The following TRAPPC9 variants were observed in gnomAD, a reference collection of about 807,000 sequenced individuals.
TRAPPC9 encodes trafficking protein particle complex subunit 9.
In TRAPPC9, 83 loss-of-function variants were observed where a neutral mutation model predicts 124.0. The observed-to-expected ratio is 0.67, with a 90% CI of 0.56 to 0.80. The LOEUF is 0.80. Among genes scored for constraint, TRAPPC9 ranks in the 30% least tolerant of loss-of-function variants. The pLI is 0.00. For missense variants in TRAPPC9, 1,302 were observed against 1,508.3 expected, an observed-to-expected ratio of 0.86 and a Z score of 2.27; for synonymous variants, 638 against 617.5, an observed-to-expected ratio of 1.03 and a Z score of -0.49.
At chr8:139,986,467 A>G (rs1837244192) in intron 19 of TRAPPC9, among the ~76,000 whole-genome samples, 1 of 152,184 alleles carries the variant, frequency 6.6e-6, no homozygotes, top group Non-Finnish European at 1.5e-5. Flanking sequence ...AATTTCTTCT[A>G]AAAAATTTCA....
intron 20 of TRAPPC9, among the ~76,000 whole-genome samples, chr8:139,892,525 A>G (rs995189094): frequency 5.3e-5 from 8 of 152,248 alleles, no homozygotes; most frequent in African/African-American, 1.7e-4. Flanking sequence ...AATAGGCCAG[A>G]GGGCTGGCCC....
intron 21 of TRAPPC9, among the ~76,000 whole-genome samples, chr8:139,806,447 C>T (rs1351442445): frequency 2.6e-5 from 4 of 152,164 alleles, no homozygotes; most frequent in African/African-American, 7.2e-5. Flanking sequence ...TGTTTCCACT[C>T]GGGGCTCAGC....
rs2063854728 is a variant in TRAPPC9 at position 140,241,491 on chromosome 8, T to A, written c.2431+11286A>T. Among the ~76,000 whole-genome samples the A allele has an allele frequency of 6.6e-6, 1 of 151,282 alleles. No individual in the cohort carries two copies. On this transcript the variant is annotated intron_variant, in intron 16 of 22. Coordinates refer to ENST00000438773, the MANE Select transcript of TRAPPC9 (RefSeq NM_001160372.4). This position sits in a 1 kb window ranked among gnomAD's most constrained non-coding sequence, Gnocchi z 5.0. ...GTGGGTGAATCATGAGGTGAAGGGATCAAGACTATCCTGGCCAACATGGTG... is the reference window on the plus strand; with the variant it reads ...GTGGGTGAATCATGAGGTGAAGGGAACAAGACTATCCTGGCCAACATGGTG...
At chr8:140,115,561 C>T (rs1007055960) in intron 17 of TRAPPC9, among the ~76,000 whole-genome samples, 4 of 152,194 alleles carry the variant, frequency 2.6e-5, no homozygotes, top group Non-Finnish European at 5.9e-5. Context: ...GCCACCGCAC[C>T]TGGCCATTAT....
At chr8:140,384,039 C>T (rs2068686013) in intron 7 of TRAPPC9, among the ~76,000 whole-genome samples, 1 of 152,056 alleles carries the variant, frequency 6.6e-6, no homozygotes, top group Non-Finnish European at 1.5e-5. Context: ...AGTTTCAACC[C>T]AGAATTTCAT....
At chr8:140,297,770 A>G (rs2065853202) in intron 11 of TRAPPC9, among the ~76,000 whole-genome samples, 1 of 152,240 alleles carries the variant, frequency 6.6e-6, no homozygotes, top group African/African-American at 2.4e-5. Context: ...CCCTGCTGAC[A>G]GATGTACAGT....
intron 19 of TRAPPC9, among the ~76,000 whole-genome samples, chr8:139,923,562 T>C (rs1832634773): frequency 6.8e-6 from 1 of 147,104 alleles, no homozygotes; most frequent in African/African-American, 2.4e-5. Flanking sequence ...CCTGGAAAAA[T>C]TCTCCATCTG....
At chr8:139,811,071 C>T (rs1824411811) in intron 21 of TRAPPC9, among the ~76,000 whole-genome samples, 1 of 152,136 alleles carries the variant, frequency 6.6e-6, no homozygotes, top group South Asian at 2.1e-4. Context: ...AAACAATTCA[C>T]AGAACAAAGA....
chr8:140,289,401 T>C (rs62527541), intron 12 of TRAPPC9, among the ~76,000 whole-genome samples: 13,642 of 152,218 alleles, frequency 0.09, 712 homozygotes, highest in African/African-American at 0.14. Flanking sequence ...CAATTGTCTC[T>C]AGGCAAATAT....
At chr8:139,772,866 C>A (rs1473859506) in intron 21 of TRAPPC9, among the ~76,000 whole-genome samples, 2 of 152,210 alleles carry the variant, frequency 1.3e-5, no homozygotes, top group African/African-American at 4.8e-5. Context: ...AGAGGGAAGA[C>A]ACAGGAAGAA....
chr8:140,205,629 T>C (rs1484002958), intron 17 of TRAPPC9, among the ~76,000 whole-genome samples: 1 of 152,184 alleles, frequency 6.6e-6, no homozygotes, highest in East Asian at 1.9e-4. Flanking sequence ...ACAACTCAAA[T>C]GGATTAATGA....
chr8:139,914,359 C>T (rs11784933), intron 19 of TRAPPC9, among the ~76,000 whole-genome samples: 29,202 of 152,192 alleles, frequency 0.19, 2,846 homozygotes, highest in East Asian at 0.27. Flanking sequence ...CCCAGGGCCA[C>T]CGAGGGGCAC....
At chr8:140,242,944 A>G (rs1364919563) in intron 16 of TRAPPC9, among the ~76,000 whole-genome samples, 1 of 152,192 alleles carries the variant, frequency 6.6e-6, no homozygotes, top group East Asian at 1.9e-4. Context: ...AGAAGGATGA[A>G]AAAGTGAAGG....
intron 21 of TRAPPC9, among the ~76,000 whole-genome samples, chr8:139,858,245 C>T (rs1464645984): frequency 6.6e-6 from 1 of 152,230 alleles, no homozygotes; most frequent in Non-Finnish European, 1.5e-5. Flanking sequence ...GTTTTGGCTG[C>T]TTTTTCCTGT....
intron 17 of TRAPPC9, among the ~76,000 whole-genome samples, chr8:140,133,798 A>G (rs745447443): frequency 1.3e-5 from 2 of 152,254 alleles, no homozygotes; most frequent in Non-Finnish European, 2.9e-5. Flanking sequence ...AAGCAATTCC[A>G]TTTAAAATAG....
At chr8:140,315,307 C>A (rs997600624) in intron 9 of TRAPPC9, among the ~76,000 whole-genome samples, 2 of 129,706 alleles carry the variant, frequency 1.5e-5, no homozygotes, top group Non-Finnish European at 3.1e-5. Flanking sequence ...AGTTCAGTTT[C>A]TCTATAAATT....
In TRAPPC9 at chr8:140,097,733, C is replaced by G. The variant is rs1563758387; in HGVS notation, c.2557-73654G>C. ...TCTGGGTGGGTCCTTGGTGCACAACCACAGGCGCGCTGCAGTCGGCAGAGT... is the reference window on the plus strand; with the variant it reads ...TCTGGGTGGGTCCTTGGTGCACAACGACAGGCGCGCTGCAGTCGGCAGAGT... On this transcript the variant is annotated intron_variant, in intron 17 of 22. Transcript: ENST00000438773. This position sits in a 1 kb window ranked among gnomAD's most constrained non-coding sequence, Gnocchi z 4.2. 6.6e-6 allele frequency: 1 copy of G among 152,212 alleles called. No homozygotes were observed. Among genetic ancestry groups the G allele is most frequent in the Non-Finnish European group, 1.5e-5 (1 of 68,066 alleles). 9.4% of individuals were successfully genotyped at this position (152,212 alleles called of 1,614,324 possible). A position where few individuals can be genotyped will look rare whatever the true frequency, so the allele number is the denominator to read the frequency against.
At chr8:139,992,487 G>A (rs1480688112) in intron 18 of TRAPPC9, among the ~76,000 whole-genome samples, 1 of 151,548 alleles carries the variant, frequency 6.6e-6, no homozygotes, top group East Asian at 1.9e-4. Context: ...TCAAGTTTTG[G>A]GATGCTCAAC....
rs11292333 is a variant in TRAPPC9, at chr8:140,125,587, C to CTTTTTTTTTTTTTTT, written c.2556+95857_2556+95871dup. Among the ~76,000 whole-genome samples the CTTTTTTTTTTTTTTT allele has an allele frequency of 1.2e-3, 84 of 67,826 alleles. 3 individuals are homozygous for CTTTTTTTTTTTTTTT. Among genetic ancestry groups the CTTTTTTTTTTTTTTT allele is most frequent in the African/African-American group, 2.0e-3 (33 of 16,278 alleles). 44.5% of individuals were successfully genotyped at this position (67,826 alleles called of 152,430 possible). On this transcript the variant is annotated intron_variant, in intron 17 of 22. Transcript: ENST00000438773. The stretch of plus-strand genomic sequence containing the variant: ...GCATGTTCATTTATCGAATCTCATT[C>CTTTTTTTTTTTTTTT]TTTTTTTTTTTTTTTTTTTTTTTTT...
Sources: allele counts gnomAD v4.1 joint callset (sites outside exome capture counted in the v4.1 genomes callset), GRCh38; gene constraint gnomAD v4.1.1; non-coding constraint Gnocchi (gnomAD v3.1); transcripts MANE v1.5; gene names NCBI Gene and HGNC (gene_info 2026-07-23, HGNC 2026-07-21).